Variants in LRP8 observed in about 807,000 individuals in gnomAD.
The protein encoded by LRP8 is LDL receptor related protein 8, also known as low-density lipoprotein receptor-related protein 8.
Under a neutral mutation model 111.6 loss-of-function variants are expected in LRP8, and 46 were observed. The observed-to-expected ratio is 0.41, with a 90% CI of 0.33 to 0.53. The LOEUF (loss-of-function observed/expected upper bound fraction) is 0.53. LRP8 is among the 20% of genes least tolerant of loss of function. The probability of loss-of-function intolerance (pLI) is 0.20; values close to 1 mark genes in which losing one functional copy is unlikely to be tolerated. For missense variants in LRP8, 959 were observed against 1,297.4 expected (o/e 0.74, Z 4.01); for synonymous variants, 464 against 511.2 (o/e 0.91, Z 1.24).
intron 1 of LRP8, chr1:53,327,239 T>C (rs2100561200): frequency 1.9e-6 from 1 of 533,136 alleles, no homozygotes; most frequent in East Asian, 3.3e-5. Flanking sequence ...GGGTATACCC[T>C]CCATTCAGAC....
chr1:53,308,410 C>T (rs1306724164), intron 2 of LRP8, among the ~76,000 whole-genome samples: 1 of 152,202 alleles, frequency 6.6e-6, no homozygotes, highest in African/African-American at 2.4e-5. Context: ...GGGGTTCAGG[C>T]TAGCAGGAAC....
chr1:53,306,601 G>A (rs1386995437), intron 2 of LRP8, among the ~76,000 whole-genome samples: 1 of 152,134 alleles, frequency 6.6e-6, no homozygotes, highest in Non-Finnish European at 1.5e-5. Context: ...CTGCTCCCTG[G>A]GTCTGTTCCT....
chr1:53,321,498 C>T (rs1026744695), intron 2 of LRP8, among the ~76,000 whole-genome samples: 7 of 152,172 alleles, frequency 4.6e-5, no homozygotes, highest in Non-Finnish European at 8.8e-5. Context: ...CATGCATTTA[C>T]TTCCTTCAAG....
chr1:53,279,142 A>G lies in LRP8; in HGVS notation c.496+1445T>C, dbSNP rs1353199723. Among the ~76,000 whole-genome samples, 1 of 152,104 alleles carries G rather than the reference A, an allele frequency of 6.6e-6. No homozygotes were observed. The highest frequency in any genetic ancestry group is 6.5e-5 in the Admixed American group (1 of 15,280). ...TTTTCTCTGAGGTTTTGGAGCCAAC[A>G]GTAACTTTAAGATCCATATTCTCAG... On this transcript the variant is annotated intron_variant, in intron 4 of 18. Transcript: ENST00000306052. This position sits in a 1 kb window ranked among gnomAD's most constrained non-coding sequence, Gnocchi z 4.4.
chr1:53,255,036 A>T, intron 16 of LRP8, 81 bp downstream of exon 16: 1 of 1,441,896 alleles, frequency 6.9e-7, no homozygotes, highest in South Asian at 1.1e-5. Flanking sequence ...GGGCAGGCCA[A>T]GTTCTCTACC....
At chr1:53,256,606 T>C (rs1011245295) in intron 15 of LRP8, among the ~76,000 whole-genome samples, 3 of 152,274 alleles carry the variant, frequency 2.0e-5, no homozygotes, top group African/African-American at 7.2e-5. Flanking sequence ...TAGTTTATCC[T>C]TTTAAATGAA....
chr1:53,258,594 C>CA, intron 13 of LRP8, 123 bp from the exon 14 acceptor site: 1 of 842,162 alleles, frequency 1.2e-6, no homozygotes. Flanking sequence ...TTTTTTTTCA[C>CA]ATTTTTTTTC....
chr1:53,318,563 A>G (rs1387696208), intron 2 of LRP8, among the ~76,000 whole-genome samples: 5 of 152,214 alleles, frequency 3.3e-5, no homozygotes, highest in Non-Finnish European at 7.3e-5. Context: ...AAGCAAATGC[A>G]CAAGGATGGA....
intron 2 of LRP8, among the ~76,000 whole-genome samples, chr1:53,323,784 T>A (rs1654810594): frequency 6.6e-6 from 1 of 152,034 alleles, no homozygotes; most frequent in African/African-American, 2.4e-5. Flanking sequence ...TTTGGGGGAG[T>A]CACTTCACCT....
rs1654797061 is a variant in LRP8, at chr1:53,323,712, AG to A, written c.244+3160del. Among the ~76,000 whole-genome samples, 6 of 152,376 alleles carry A rather than the reference AG, an allele frequency of 3.9e-5. No individual in the cohort carries two copies. In the East Asian group the frequency reaches 1.2e-3, roughly 29 times the overall value. ...AGCCAAGTCCCAGCCACTGTGGATG[AG>A]GCTCGGGACTTAGAAGGCCTCAGTT... On this transcript the variant is annotated intron_variant, in intron 2 of 18. Coordinates refer to ENST00000306052, the MANE Select transcript of LRP8 (RefSeq NM_004631.5).
At chr1:53,301,208 T>TG (rs766840489) in intron 2 of LRP8, among the ~76,000 whole-genome samples, 4 of 152,014 alleles carry the variant, frequency 2.6e-5, no homozygotes, top group South Asian at 2.1e-4. Context: ...GTGGGGATCA[T>TG]GGGGGCATTG....
At chr1:53,257,122 C>A (rs1359975184) in intron 15 of LRP8, 118 bp downstream of exon 15, 5 of 905,370 alleles carry the variant, frequency 5.5e-6, no homozygotes, top group Non-Finnish European at 8.6e-6. Flanking sequence ...TATGCAGTAA[C>A]CTCCTCAAAG....
rs142728753 is a variant in LRP8 at position 53,275,237 on chromosome 1, C to T, written c.1006+394G>A. ...GATGACTAGTGAATGAGGGTCCCTG[C>T]TCCTGCAGAGGGCAGGTGGTGACCA... is the stretch of plus-strand genomic sequence containing the variant. On this transcript the variant is annotated intron_variant, in intron 6 of 18. Transcript: ENST00000306052. The surrounding 1 kb of genome is among the most constrained non-coding windows in gnomAD (Gnocchi z 4.4). Among the ~76,000 whole-genome samples, 175 of 152,320 alleles carry T rather than the reference C, an allele frequency of 1.1e-3. 1 individual carries two copies. Among genetic ancestry groups the T allele is most frequent in the African/African-American group, 4.0e-3 (165 of 41,572 alleles).
Position 53,266,385 on chromosome 1 carries a change from G to C in LRP8, c.1427+88C>G. The stretch of plus-strand genomic sequence containing the variant: ...CCCAACTCTGTCCTGAGGAGCTCTA[G>C]AGGCAGACACCACTCCTCCCCTCCT... On this transcript the variant is annotated intron_variant, in intron 9 of 18. Coordinates refer to ENST00000306052, the MANE Select transcript of LRP8 (RefSeq NM_004631.5). This position sits in a 1 kb window ranked among gnomAD's most constrained non-coding sequence, Gnocchi z 5.0. 7.2e-7 allele frequency: 1 copy of C among 1,395,960 alleles called. No homozygotes were observed. Among genetic ancestry groups the C allele is most frequent in the Non-Finnish European group, 1.0e-6 (1 of 1,000,240 alleles). The allele number at this position is 1,395,960 out of a possible 1,614,324, so 86.5% of individuals were successfully genotyped here.
chr1:53,270,449 G>C (rs547105259), intron 8 of LRP8, among the ~76,000 whole-genome samples: 86 of 152,308 alleles, frequency 5.6e-4, no homozygotes, highest in African/African-American at 1.9e-3. Flanking sequence ...CCTTCCTAGG[G>C]TGGTGGTAAC....
At chr1:53,274,106 C>T (rs913242441) in intron 6 of LRP8, among the ~76,000 whole-genome samples, 23 of 152,218 alleles carry the variant, frequency 1.5e-4, no homozygotes, top group African/African-American at 4.8e-5. Flanking sequence ...CAGCTGTAGC[C>T]GACATCAGGG....
At chr1:53,322,188 C>A (rs1007757917) in intron 2 of LRP8, among the ~76,000 whole-genome samples, 2 of 152,274 alleles carry the variant, frequency 1.3e-5, no homozygotes, top group Admixed American at 6.5e-5. Context: ...TTAATCCTCA[C>A]ATTTAATCTC....
rs767394613 is a variant in LRP8 at position 53,258,286 on chromosome 1, C to T, written c.2209+33G>A. 6.2e-6 allele frequency: 10 copies of T among 1,603,612 alleles called. No homozygotes were observed. In the Admixed American group the frequency reaches 1.7e-4, roughly 27 times the overall value. ...TTCAGCAGGGTAGGGTCTGACACTG[C>T]CAGGGGCCATCCCTCCTGGAAGGTC... is the stretch of plus-strand genomic sequence containing the variant. On this transcript the variant is annotated intron_variant, in intron 14 of 18. Coordinates refer to ENST00000306052, the MANE Select transcript of LRP8 (RefSeq NM_004631.5).
In LRP8 at chr1:53,327,841, CAGCAGCA is replaced by C. The variant is rs758755011; in HGVS notation, c.65_71del (p.Leu22ArgfsTer50). On this transcript the variant is annotated frameshift_variant, in exon 1 of 19. Coordinates refer to ENST00000306052, the MANE Select transcript of LRP8 (RefSeq NM_004631.5). LOFTEE classifies it high-confidence loss of function. ...CTGCCGCCGCAAGATGCTGGAGCTG[CAGCAGCA>C]GCAGCAGCAGCAGCAGCAGCAGCAG... 2.6e-4 allele frequency: 274 copies of C among 1,071,944 alleles called. No individual in the cohort carries two copies. Among genetic ancestry groups the C allele is most frequent in the African/African-American group, 3.3e-4 (21 of 64,254 alleles). 66.4% of individuals were successfully genotyped at this position (1,071,944 alleles called of 1,614,324 possible). A position where few individuals can be genotyped will look rare whatever the true frequency, so the allele number is the denominator to read the frequency against.
Sources: allele counts gnomAD v4.1 joint callset (sites outside exome capture counted in the v4.1 genomes callset), GRCh38; gene constraint gnomAD v4.1.1; non-coding constraint Gnocchi (gnomAD v3.1); transcripts MANE v1.5; gene names NCBI Gene and HGNC (gene_info 2026-07-23, HGNC 2026-07-21).